Variants in PRPF18 observed in about 807,000 individuals in gnomAD.
PRPF18 encodes pre-mRNA processing factor 18.
In PRPF18, 38 loss-of-function variants were observed where a neutral mutation model predicts 46.5. The observed-to-expected ratio is 0.82, with a 90% CI of 0.63 to 1.07. The LOEUF (loss-of-function observed/expected upper bound fraction) is 1.07, where lower values mean the gene tolerates loss of function less well. PRPF18 is among the 50% of genes least tolerant of loss of function. The pLI, the probability that PRPF18 is intolerant of heterozygous loss-of-function variation, is 0.00. For missense variants in PRPF18, 263 were observed against 410.0 expected (o/e 0.64, Z 3.10); for synonymous variants, 152 against 146.7 (o/e 1.04, Z -0.26).
the PRPF18 span, chr10:13,651,424 A>G: frequency 6.4e-6 from 1 of 155,690 alleles, no homozygotes; most frequent in African/African-American, 2.4e-5. Context: ...TAGATAGAAC[A>G]TGGTGAGTCT....
chr10:13,645,215 T>C, the PRPF18 span: 1 of 152,176 alleles, frequency 6.6e-6, no homozygotes, highest in Non-Finnish European at 1.5e-5. Context: ...TCCACATACA[T>C]GAAAAGCGAA....
chr10:13,647,430 G>T, the PRPF18 span: 1 of 152,196 alleles, frequency 6.6e-6, no homozygotes, highest in African/African-American at 2.4e-5. Flanking sequence ...CTCAGATGCA[G>T]CCAAAGCCAG....
intron 8 of PRPF18, among the ~76,000 whole-genome samples, chr10:13,615,992 A>C (rs971804011): frequency 6.6e-6 from 1 of 152,176 alleles, no homozygotes; most frequent in South Asian, 2.1e-4. Context: ...ATGAAAAACT[A>C]CTTAGCCCCT....
chr10:13,652,051 A>G, the PRPF18 span: 2 of 816,874 alleles, frequency 2.4e-6, no homozygotes, highest in South Asian at 2.7e-5. Flanking sequence ...CACAGACACG[A>G]TTAGTAGCTT....
intron 9 of PRPF18, among the ~76,000 whole-genome samples, chr10:13,621,928 A>G (rs979599918): frequency 6.6e-6 from 1 of 152,182 alleles, no homozygotes; most frequent in Non-Finnish European, 1.5e-5. Context: ...CATTTGCCAA[A>G]TTTATCTGTC....
chr10:13,648,053 C>G, the PRPF18 span: 1 of 152,166 alleles, frequency 6.6e-6, no homozygotes, highest in African/African-American at 2.4e-5. Context: ...CAGTCATCCC[C>G]AGCTTTCTAT....
intron 1 of PRPF18, among the ~76,000 whole-genome samples, chr10:13,591,093 G>A (rs2079954696): frequency 6.6e-6 from 1 of 152,166 alleles, no homozygotes; most frequent in Non-Finnish European, 1.5e-5. Flanking sequence ...GTGGCCAGCC[G>A]GGATAGATCT....
rs573961362 is a variant in PRPF18 at position 13,611,137 on chromosome 10, A to G, written c.511-478A>G. ...CCCCTGCCTCCTCCAATACCTGTCT[A>G]TGGTCCCTAAATTTTACTAAAATAA... is the stretch of plus-strand genomic sequence containing the variant. On this transcript the variant is annotated intron_variant, in intron 5 of 9. Transcript: ENST00000378572. Among the ~76,000 whole-genome samples, 28 of 149,028 alleles carry G rather than the reference A, an allele frequency of 1.9e-4. 1 individual carries two copies. The highest frequency in any genetic ancestry group is 3.1e-4 in the Non-Finnish European group (21 of 67,628).
At chr10:13,651,668 G>A in the PRPF18 span, 4 of 525,358 alleles carry the variant, frequency 7.6e-6, no homozygotes, top group East Asian at 1.0e-4. Flanking sequence ...ACAAGACTCT[G>A]TCTCAAAACA....
chr10:13,628,090 T>G (rs1445975239), intron 9 of PRPF18, among the ~76,000 whole-genome samples: 1 of 152,202 alleles, frequency 6.6e-6, no homozygotes, highest in African/African-American at 2.4e-5. Flanking sequence ...GATGGAATGG[T>G]CTTTATCCCA....
chr10:13,644,266 C>T, the PRPF18 span: 7 of 152,186 alleles, frequency 4.6e-5, no homozygotes, highest in African/African-American at 1.7e-4. Context: ...TTATATCAGA[C>T]CAAGGACTTC....
intron 3 of PRPF18, among the ~76,000 whole-genome samples, chr10:13,603,143 A>G (rs1174387380): frequency 6.6e-6 from 1 of 152,244 alleles, no homozygotes; most frequent in Non-Finnish European, 1.5e-5. Flanking sequence ...GTTACTGATT[A>G]ATAGTGGTAC....
intron 6 of PRPF18, among the ~76,000 whole-genome samples, chr10:13,612,534 C>T (rs893716471): frequency 1.3e-5 from 2 of 151,806 alleles, no homozygotes; most frequent in Admixed American, 6.6e-5. Context: ...ATCCACCTGC[C>T]TCGGCCTCCC....
intron 4 of PRPF18, among the ~76,000 whole-genome samples, chr10:13,606,176 G>A (rs1041865501): frequency 5.3e-5 from 8 of 152,052 alleles, no homozygotes; most frequent in African/African-American, 1.7e-4. Context: ...AATTTCCCCA[G>A]TACCCCTTCT....
intron 1 of PRPF18, among the ~76,000 whole-genome samples, chr10:13,594,957 A>G (rs927768184): frequency 1.3e-5 from 2 of 152,212 alleles, no homozygotes; most frequent in Non-Finnish European, 2.9e-5. Context: ...TTTCATGCTG[A>G]TTATTAAAAG....
chr10:13,596,836 G>C (rs576370174), intron 1 of PRPF18, among the ~76,000 whole-genome samples: 1 of 152,236 alleles, frequency 6.6e-6, no homozygotes, highest in Non-Finnish European at 1.5e-5. Flanking sequence ...GCGTGACAGA[G>C]AGATACCCTG....
intron 1 of PRPF18, among the ~76,000 whole-genome samples, chr10:13,595,692 T>C (rs2080025267): frequency 6.6e-6 from 1 of 152,208 alleles, no homozygotes; most frequent in South Asian, 2.1e-4. Context: ...AGGGTAGTTT[T>C]GATGTTCAGA....
chr10:13,625,882 G>C (rs1022628301), intron 9 of PRPF18, among the ~76,000 whole-genome samples: 2 of 152,334 alleles, frequency 1.3e-5, no homozygotes, highest in South Asian at 4.1e-4. Context: ...CAAGTGAAGG[G>C]TAAATATAGG....
At chr10:13,609,838 T>A (rs2080245475) in intron 4 of PRPF18, among the ~76,000 whole-genome samples, 1 of 152,246 alleles carries the variant, frequency 6.6e-6, no homozygotes, top group Non-Finnish European at 1.5e-5. Context: ...TTGTTTTAAT[T>A]TAAATAGGTC....
Sources: gnomAD v4.1 joint callset for allele counts (sites outside exome capture counted in the v4.1 genomes callset) on GRCh38, gnomAD v4.1.1 for gene constraint, MANE v1.5 for transcripts, NCBI Gene and HGNC (gene_info 2026-07-23, HGNC 2026-07-21) for gene names.